Variants in GNL1 observed in about 807,000 individuals in gnomAD.
GNL1 encodes the protein G protein nucleolar 1, also known as guanine nucleotide-binding protein-like 1.
A neutral mutation model predicts 75.2 loss-of-function variants in GNL1; 21 were observed. The observed-to-expected ratio is 0.28, with a 90% CI of 0.20 to 0.40. GNL1 has a LOEUF of 0.40. GNL1 is among the 10% of genes least tolerant of loss of function. The pLI is 1.00. For missense variants in GNL1, 579 were observed against 775.0 expected (o/e 0.75, Z 3.00); for synonymous variants, 287 against 303.4 (o/e 0.95, Z 0.56).
Position 30,555,274 on chromosome 6 carries a change from G to A in GNL1, c.240-83C>T. The stretch of plus-strand genomic sequence containing the variant: ...TCTCCCCTCTTGTACAATCAACTTC[G>A]CAAACCATTCTCTCCAGAGTCGTTC... On this transcript the variant is annotated intron_variant, in intron 2 of 11. Coordinates refer to ENST00000376621, the MANE Select transcript of GNL1 (RefSeq NM_005275.5). This position sits in a 1 kb window ranked among gnomAD's most constrained non-coding sequence, Gnocchi z 4.3. 1.3e-6 allele frequency: 2 copies of A among 1,539,878 alleles called. No homozygotes were observed. Among genetic ancestry groups the A allele is most frequent in the African/African-American group, 1.4e-5 (1 of 73,464 alleles).
rs1329490945 is a variant in GNL1, at chr6:30,544,010, G to C, written c.*2062C>G. On this transcript the variant is annotated 3_prime_UTR_variant, in exon 12 of 12. Transcript: ENST00000376621. ...GGTGCGTATTTCAGCGTGGAGGGGAGACTGGGCCCTTGGTTTCCTGTGTCT... is the reference window on the plus strand; with the variant it reads ...GGTGCGTATTTCAGCGTGGAGGGGACACTGGGCCCTTGGTTTCCTGTGTCT... 3 of 152,290 alleles carry C rather than the reference G, an allele frequency of 2.0e-5. No homozygotes were observed. Among genetic ancestry groups the C allele is most frequent in the Non-Finnish European group, 4.4e-5 (3 of 68,090 alleles). 9.4% of individuals were successfully genotyped at this position (152,290 alleles called of 1,614,324 possible). A position where few individuals can be genotyped will look rare whatever the true frequency, so the allele number is the denominator to read the frequency against.
chr6:30,555,332 G>T lies in GNL1; in HGVS notation c.240-141C>A. 1.9e-6 allele frequency: 2 copies of T among 1,067,566 alleles called. No homozygotes were observed. Among genetic ancestry groups the T allele is most frequent in the Non-Finnish European group, 1.4e-6 (1 of 725,296 alleles). The allele number at this position is 1,067,566 out of a possible 1,614,324, so 66.1% of individuals were successfully genotyped here. ...CTCTCTCAAGTCAGACTTCCCCCAA[G>T]TCCTTCTTTCAGGCAATACTCAGCC... On this transcript the variant is annotated intron_variant, in intron 2 of 11. Coordinates refer to ENST00000376621, the MANE Select transcript of GNL1 (RefSeq NM_005275.5). This position sits in a 1 kb window ranked among gnomAD's most constrained non-coding sequence, Gnocchi z 4.3.
In GNL1 at chr6:30,556,210, G is replaced by T. The variant is rs754119278; in HGVS notation, c.-7C>A. ...ATGGCTTCTTCCTCGGCATGGCCCG[G>T]ACCAGTCACCTGGCCCGCCCTCCGC... On this transcript the variant is annotated 5_prime_UTR_variant, in exon 1 of 12. Transcript: ENST00000376621. The surrounding 1 kb of genome is among the most constrained non-coding windows in gnomAD (Gnocchi z 5.7). 6.2e-6 allele frequency: 10 copies of T among 1,603,066 alleles called. No homozygotes were observed. In the African/African-American group the frequency reaches 1.2e-4, roughly 19 times the overall value.
rs922973829 is a variant in GNL1 at position 30,555,442 on chromosome 6, G to A, written c.239+113C>T. On this transcript the variant is annotated intron_variant, in intron 2 of 11. Coordinates refer to ENST00000376621, the MANE Select transcript of GNL1 (RefSeq NM_005275.5). The surrounding 1 kb of genome is among the most constrained non-coding windows in gnomAD (Gnocchi z 4.3). ...TGTGGGGAGCCGAGTGGCTAGCGGA[G>A]AACTGTGGCATCCCAGGCCCACCGT... is the stretch of plus-strand genomic sequence containing the variant. 158 of 1,112,944 alleles carry A rather than the reference G, an allele frequency of 1.4e-4. No homozygotes were observed. Among genetic ancestry groups the A allele is most frequent in the Non-Finnish European group, 2.0e-4 (153 of 766,418 alleles). 68.9% of individuals were successfully genotyped at this position (1,112,944 alleles called of 1,614,324 possible). A position where few individuals can be genotyped will look rare whatever the true frequency, so the allele number is the denominator to read the frequency against.
Position 30,547,310 on chromosome 6 carries a change from T to C in GNL1, c.1279-36A>G. 1.3e-6 allele frequency: 2 copies of C among 1,580,928 alleles called. No individual in the cohort carries two copies. Among genetic ancestry groups the C allele is most frequent in the Non-Finnish European group, 1.7e-6 (2 of 1,163,066 alleles). On this transcript the variant is annotated intron_variant, in intron 9 of 11. Transcript: ENST00000376621. This position sits in a 1 kb window ranked among gnomAD's most constrained non-coding sequence, Gnocchi z 5.5. The stretch of plus-strand genomic sequence containing the variant: ...TGAGCACTCAGTACTTTCCTCAATG[T>C]CCCACCTTCTCTCTTTCCCTTACCC...
chr6:30,552,376 C>T lies in GNL1; in HGVS notation c.1099+91G>A. ...GATCACCCCTCAGACACCCTGGGGC[C>T]TAATGAGACCTGATCGCCCTCTCTC... On this transcript the variant is annotated intron_variant, in intron 8 of 11. Transcript: ENST00000376621. The surrounding 1 kb of genome is among the most constrained non-coding windows in gnomAD (Gnocchi z 4.5). 4 of 1,106,946 alleles carry T rather than the reference C, an allele frequency of 3.6e-6. No individual in the cohort carries two copies. Among genetic ancestry groups the T allele is most frequent in the Non-Finnish European group, 5.3e-6 (4 of 749,462 alleles). 68.6% of individuals were successfully genotyped at this position (1,106,946 alleles called of 1,614,324 possible).
At chr6:30,550,237 C>T (rs1444668465) in intron 8 of GNL1, among the ~76,000 whole-genome samples, 2 of 152,150 alleles carry the variant, frequency 1.3e-5, no homozygotes, top group Admixed American at 6.5e-5. Flanking sequence ...TGACTACTTA[C>T]CCACTGCCTA....
Position 30,547,467 on chromosome 6 carries a change from ACACT to A in GNL1, c.1159_1162del (p.Val388ProfsTer19). On this transcript the variant is annotated frameshift_variant, in exon 9 of 12. Transcript: ENST00000376621. LOFTEE classifies it high-confidence loss of function. The surrounding 1 kb of genome is among the most constrained non-coding windows in gnomAD (Gnocchi z 5.5). ...TCGGGTATGGCCCGGGGTTCTGGAG[ACACT>A]CACGACTTTCCGCCCCACCAGCCCA... is the stretch of plus-strand genomic sequence containing the variant. 1 of 1,613,574 alleles carries A rather than the reference ACACT, an allele frequency of 6.2e-7. No homozygotes were observed. Among genetic ancestry groups the A allele is most frequent in the Non-Finnish European group, 8.5e-7 (1 of 1,179,842 alleles).
At position 30,548,201 on chromosome 6, in the gene GNL1, T is replaced by A. The variant is rs998799450; in HGVS notation, c.1100-671A>T. ...CAAAAAATAATAATAATAATTACGATGACTTGTCCAAGGAGAAAACTGGAA... is the reference window on the plus strand; with the variant it reads ...CAAAAAATAATAATAATAATTACGAAGACTTGTCCAAGGAGAAAACTGGAA... On this transcript the variant is annotated intron_variant, in intron 8 of 11. Transcript: ENST00000376621. The surrounding 1 kb of genome is among the most constrained non-coding windows in gnomAD (Gnocchi z 4.2). Among the ~76,000 whole-genome samples, 3 of 151,964 alleles carry A rather than the reference T, an allele frequency of 2.0e-5. No individual in the cohort carries two copies. Among genetic ancestry groups the A allele is most frequent in the Non-Finnish European group, 4.4e-5 (3 of 67,984 alleles).
chr6:30,556,277 C>G lies in GNL1; in HGVS notation c.-74G>C, dbSNP rs1800184644. On this transcript the variant is annotated 5_prime_UTR_variant, in exon 1 of 12. Transcript: ENST00000376621. The surrounding 1 kb of genome is among the most constrained non-coding windows in gnomAD (Gnocchi z 5.7). Reference sequence around the variant, plus strand: ...CAACTGACTGCCCCCCGGGGCAGCCCCCGCCGCAGGGGCCCGGGACCCTAG... The same window carrying G: ...CAACTGACTGCCCCCCGGGGCAGCCGCCGCCGCAGGGGCCCGGGACCCTAG... 10 of 1,566,494 alleles carry G rather than the reference C, an allele frequency of 6.4e-6. No individual in the cohort carries two copies. Among genetic ancestry groups the G allele is most frequent in the Non-Finnish European group, 7.8e-6 (9 of 1,155,486 alleles).
In GNL1 at chr6:30,555,897, G is replaced by A. The variant is rs1367853421; in HGVS notation, c.74-177C>T. ...GTGGGGGGAGTCACTCCTTCAGGGA[G>A]CAGTGGGGACGGCGCCCCGTGCTAG... On this transcript the variant is annotated intron_variant, in intron 1 of 11. Transcript: ENST00000376621. The surrounding 1 kb of genome is among the most constrained non-coding windows in gnomAD (Gnocchi z 4.3). 5.0e-6 allele frequency: 4 copies of A among 803,050 alleles called. No homozygotes were observed. The highest frequency in any genetic ancestry group is 3.4e-5 in the South Asian group (2 of 58,766). 49.7% of individuals were successfully genotyped at this position (803,050 alleles called of 1,614,324 possible).
chr6:30,552,574 T>C lies in GNL1; in HGVS notation c.992A>G (p.Glu331Gly). 6.2e-7 allele frequency: 1 copy of C among 1,614,058 alleles called. No homozygotes were observed. The highest frequency in any genetic ancestry group is 8.5e-7 in the Non-Finnish European group (1 of 1,179,962). Reference sequence around the variant, plus strand: ...CTCCACCAGGACTGCTGGGCCATCCTCCTCTTCCTCCTCCTCCCCAGAGCC... The same window carrying C: ...CTCCACCAGGACTGCTGGGCCATCCCCCTCTTCCTCCTCCTCCCCAGAGCC... ...GNGSGEEEEE[E>G]DGPAVLVEQQ... The change falls in exon 8 of 12, where the codon GAG becomes GGG. Residue 331 changes from glutamate (E) to glycine (G), a missense_variant. By Grantham distance (98) the Glu-to-Gly change is moderately conservative (BLOSUM62 -2). Transcript: ENST00000376621. The surrounding 1 kb of genome is among the most constrained non-coding windows in gnomAD (Gnocchi z 4.5).
rs747798046 is a variant in GNL1 at position 30,546,136 on chromosome 6, G to A, written c.1760C>T (p.Ser587Leu). ...GCCAGCCAGGCTGGACCCTGGAGCC[G>A]AGGTTGGGGTCTCCTCATCCCCTTC... ...EGEGDEETPT[S>L]APGSSLAGRN... is the part of the protein sequence containing the mutation. Residue 587 changes from serine (S) to leucine (L), a missense_variant, in exon 12 of 12, where the codon TCG (serine) becomes TTG (leucine). Coordinates refer to ENST00000376621, the MANE Select transcript of GNL1 (RefSeq NM_005275.5). This position sits in a 1 kb window ranked among gnomAD's most constrained non-coding sequence, Gnocchi z 5.1. 47 of 1,570,858 alleles carry A rather than the reference G, an allele frequency of 3.0e-5. No homozygotes were observed. The highest frequency in any genetic ancestry group is 7.6e-5 in the Admixed American group (4 of 52,978).
Position 30,547,458 on chromosome 6 carries a change from G to A in GNL1, c.1172C>T (p.Thr391Ile), listed in dbSNP as rs1206431135. 2 of 1,613,958 alleles carry A rather than the reference G, an allele frequency of 1.2e-6. No homozygotes were observed. Among genetic ancestry groups the A allele is most frequent in the East Asian group, 2.2e-5 (1 of 44,878 alleles). Residue 391 changes from threonine to isoleucine, a missense_variant, in exon 9 of 12, where the codon ACC becomes ATC. Physicochemically the swap from Thr to Ile is moderately conservative, Grantham distance 89 (BLOSUM62 -1). Coordinates refer to ENST00000376621, the MANE Select transcript of GNL1 (RefSeq NM_005275.5). The surrounding 1 kb of genome is among the most constrained non-coding windows in gnomAD (Gnocchi z 5.5). ...CTGAAAGTATCGGGTATGGCCCGGG[G>A]TTCTGGAGACACTCACGACTTTCCG... ...VGRKVVSVSR[T>I]PGHTRYFQTY...
rs1799333120 is a variant in GNL1, at chr6:30,544,321, G to C, written c.*1751C>G. 6.6e-6 allele frequency: 1 copy of C among 152,124 alleles called. No individual in the cohort carries two copies. The highest frequency in any genetic ancestry group is 2.1e-4 in the South Asian group (1 of 4,828). 9.4% of individuals were successfully genotyped at this position (152,124 alleles called of 1,614,324 possible). A position where few individuals can be genotyped will look rare whatever the true frequency, so the allele number is the denominator to read the frequency against. On this transcript the variant is annotated 3_prime_UTR_variant, in exon 12 of 12. Transcript: ENST00000376621. Reference sequence around the variant, plus strand: ...CTGAGGTGGAAAAAGATAAAGACAAGCAAAGATAAACAGCACAGGAAGCAG... The same window carrying C: ...CTGAGGTGGAAAAAGATAAAGACAACCAAAGATAAACAGCACAGGAAGCAG...
At chr6:30,553,603 GAGTTCTCTGCC>G in intron 5 of GNL1, 46 bp from the exon 6 acceptor site, 1 of 1,366,218 alleles carries the variant, frequency 7.3e-7, no homozygotes, top group Non-Finnish European at 1.0e-6. Flanking sequence ...AGTCAACCCA[GAGTTCTCTGCC>G]TCCAGCTCCC....
Position 30,552,487 on chromosome 6 carries a change from A to C in GNL1, c.1079T>G (p.Val360Gly), listed in dbSNP as rs758372510. Residue 360 changes from valine to glycine, a missense_variant, in exon 8 of 12, where the codon GTG becomes GGG. Physicochemically the swap from Val to Gly is moderately radical, Grantham distance 109. Coordinates refer to ENST00000376621, the MANE Select transcript of GNL1 (RefSeq NM_005275.5). This position sits in a 1 kb window ranked among gnomAD's most constrained non-coding sequence, Gnocchi z 4.5. ...CTTACCCACACAGCCGATGGTCACC[A>C]CCCCATCCTTGTAGCGCTCTTGGGT... Reference protein sequence around the residue: ...GPTQERYKDGVVTIGCVGFPN... With the variant: ...GPTQERYKDGGVTIGCVGFPN... 5 of 1,613,578 alleles carry C rather than the reference A, an allele frequency of 3.1e-6. No individual in the cohort carries two copies. The highest frequency in any genetic ancestry group is 4.2e-6 in the Non-Finnish European group (5 of 1,179,628).
rs149818801 is a variant in GNL1 at position 30,546,748 on chromosome 6, C to T, written c.1530G>A (p.Val510=). Residue 510 remains valine, a synonymous_variant, in exon 11 of 12, where the codon GTG becomes GTA. Coordinates refer to ENST00000376621, the MANE Select transcript of GNL1 (RefSeq NM_005275.5). This position sits in a 1 kb window ranked among gnomAD's most constrained non-coding sequence, Gnocchi z 5.1. Reference sequence around the variant, plus strand: ...GAAAACACAGGCTGAGGCGGCCGTCCACTGCCAGCCGCAAGAGACTGTTGG... The same window carrying T: ...GAAAACACAGGCTGAGGCGGCCGTCTACTGCCAGCCGCAAGAGACTGTTGG... The part of the protein sequence containing the change: ...RAANSLLRLA[V]DGRLSLCFHP... The T allele has an allele frequency of 6.2e-7, 1 of 1,609,694 alleles. No individual in the cohort carries two copies. Among genetic ancestry groups the T allele is most frequent in the African/African-American group, 1.3e-5 (1 of 74,966 alleles).
rs1799896981 is a variant in GNL1 at position 30,553,083 on chromosome 6, C to T, written c.904+1G>A. 1 of 1,605,582 alleles carries T rather than the reference C, an allele frequency of 6.2e-7. No individual in the cohort carries two copies. Among genetic ancestry groups the T allele is most frequent in the Non-Finnish European group, 8.5e-7 (1 of 1,172,466 alleles). ...ACAGCCCTCCTCTAAGGGCCACATA[C>T]CTTTCCCCACAGTGATGGCTTCACA... On this transcript the variant is annotated splice_donor_variant, in intron 7 of 11. Transcript: ENST00000376621. LOFTEE classifies it high-confidence loss of function.
Sources: gnomAD v4.1 joint callset for allele counts (sites outside exome capture counted in the v4.1 genomes callset) on GRCh38, gnomAD v4.1.1 for gene constraint, Gnocchi (gnomAD v3.1) non-coding constraint, MANE v1.5 for transcripts, NCBI Gene and HGNC (gene_info 2026-07-23, HGNC 2026-07-21) for gene names.